The following MAST3 variants were observed in gnomAD, a reference collection of about 807,000 sequenced individuals.
MAST3 encodes microtubule-associated serine/threonine-protein kinase 3.
MAST3 carries 43 observed loss-of-function variants against 127.0 expected under a neutral mutation model. The observed-to-expected ratio is 0.34, with a 90% CI of 0.27 to 0.44. MAST3 has a LOEUF of 0.44. MAST3 is among the 20% of genes least tolerant of loss of function. The pLI is 1.00. For missense variants in MAST3, 1,390 were observed against 1,919.1 expected (o/e 0.72, Z 5.15); for synonymous variants, 785 against 809.2 (o/e 0.97, Z 0.51).
chr19:18,100,128 C>CTCTCTTTTTTTTTTTTTTTTTTTT (rs776661078), intron 1 of MAST3, among the ~76,000 whole-genome samples: 3 of 121,720 alleles, frequency 2.5e-5, no homozygotes, highest in Admixed American at 9.5e-5. Flanking sequence ...CTCTCTCTCT[C>CTCTCTTTTTTTTTTTTTTTTTTTT]TTTTTTTTTT....
chr19:18,133,238 CT>C (rs2041514784), intron 15 of MAST3, among the ~76,000 whole-genome samples: 2 of 152,202 alleles, frequency 1.3e-5, no homozygotes, highest in Admixed American at 6.6e-5. Flanking sequence ...GCATGAATAA[CT>C]CCTTACACAC....
chr19:18,146,634 G>A (rs1307751131), intron 25 of MAST3, among the ~76,000 whole-genome samples: 2 of 152,160 alleles, frequency 1.3e-5, no homozygotes, highest in East Asian at 1.9e-4. Flanking sequence ...CCGGGAGGGT[G>A]GAGAGTGAAG....
intron 21 of MAST3, among the ~76,000 whole-genome samples, chr19:18,143,559 G>C (rs1160600767): frequency 6.6e-6 from 1 of 152,084 alleles, no homozygotes; most frequent in East Asian, 1.9e-4. Flanking sequence ...CTGGGTGACA[G>C]AGTGAGACCC....
At chr19:18,142,062 TG>T in intron 21 of MAST3, 47 bp downstream of exon 21, 1 of 1,369,732 alleles carries the variant, frequency 7.3e-7, no homozygotes, top group Admixed American at 2.8e-5. Context: ...CCAAGCCTGC[TG>T]GGAGGTAGAG....
At chr19:18,148,495 A>C (rs1397940628) in intron 27 of MAST3, among the ~76,000 whole-genome samples, 2 of 151,756 alleles carry the variant, frequency 1.3e-5, no homozygotes, top group African/African-American at 4.8e-5. Flanking sequence ...AAGAAAACAG[A>C]AGTGATACAG....
In MAST3 at chr19:18,123,993, G is replaced by A. The variant is rs765659545; in HGVS notation, c.688G>A (p.Gly230Ser). Reference protein sequence around the residue: ...LQEFLTAYAPGARLALADGVL... With the variant: ...LQEFLTAYAPSARLALADGVL... ...GGAGTTCCTGACGGCCTACGCGCCC[G>A]GCGCCCGGCTGGCGCTGGCTGATGG... The change falls in exon 9 of 28, where the codon GGC (glycine) becomes AGC (serine). Residue 230 changes from glycine (G) to serine (S), a missense_variant. By Grantham distance (56) the Gly-to-Ser change is moderately conservative. Transcript: ENST00000687212. 59 of 1,592,516 alleles carry A rather than the reference G, an allele frequency of 3.7e-5. 1 individual carries two copies. The highest frequency in any genetic ancestry group is 4.6e-5 in the East Asian group (2 of 43,486).
At position 18,145,812 on chromosome 19, in the gene MAST3, G is replaced by A. The variant is rs926791298; in HGVS notation, c.3109G>A (p.Gly1037Arg). 2 of 1,593,236 alleles carry A rather than the reference G, an allele frequency of 1.3e-6. No homozygotes were observed. Among genetic ancestry groups the A allele is most frequent in the African/African-American group, 1.4e-5 (1 of 73,458 alleles). ...TGGGGACCTCATCACCCACATCAAC[G>A]GGGAGTCAGTGCTGGGGCTGGTGCA... ...RAGDLITHINGESVLGLVHMD... is the reference protein window; with the variant it reads ...RAGDLITHINRESVLGLVHMD... The change falls in exon 25 of 28, where the codon GGG becomes AGG. Residue 1037 changes from glycine to arginine, a missense_variant. By Grantham distance (125) the Gly-to-Arg change is moderately radical. Transcript: ENST00000687212. This position sits in a 1 kb window ranked among gnomAD's most constrained non-coding sequence, Gnocchi z 5.9.
chr19:18,138,957 C>A, intron 19 of MAST3, 58 bp from the exon 20 acceptor site: 31 of 1,194,334 alleles, frequency 2.6e-5, no homozygotes, highest in Non-Finnish European at 3.6e-5. Context: ...ATTGCCACAC[C>A]GCCCTTGAGA....
chr19:18,132,122 T>A, intron 15 of MAST3, 75 bp downstream of exon 15: 3 of 1,580,216 alleles, frequency 1.9e-6, no homozygotes, highest in Non-Finnish European at 2.6e-6. Flanking sequence ...CCAAAGAGGA[T>A]CAGGGCAGAG....
chr19:18,145,179 C>T lies in MAST3; in HGVS notation c.2989C>T (p.Arg997Cys). 3 of 1,613,774 alleles carry T rather than the reference C, an allele frequency of 1.9e-6. No homozygotes were observed. Among genetic ancestry groups the T allele is most frequent in the South Asian group, 1.1e-5 (1 of 91,070 alleles). ...GTACGGCTTCAGCCTGCGGGCGATCCGCGTCTACATGGGTGATAGCGACGT... is the reference window on the plus strand; with the variant it reads ...GTACGGCTTCAGCCTGCGGGCGATCTGCGTCTACATGGGTGATAGCGACGT... Reference protein sequence around the residue: ...KKYGFSLRAIRVYMGDSDVYT... With the variant: ...KKYGFSLRAICVYMGDSDVYT... The change falls in exon 24 of 28, where the codon CGC (arginine) becomes TGC (cysteine). Residue 997 changes from arginine to cysteine, a missense_variant. By Grantham distance (180) the Arg-to-Cys change is radical (BLOSUM62 -3). Coordinates refer to ENST00000687212, the MANE Select transcript of MAST3 (RefSeq NM_001393504.1). This position sits in a 1 kb window ranked among gnomAD's most constrained non-coding sequence, Gnocchi z 5.9.
In MAST3 at chr19:18,123,825, G is replaced by C. The variant is rs560632938; in HGVS notation, c.634-114G>C. ...TCCTCCTGCACCAGCCCTCCCACCC[G>C]ATCGCCCCATTGCCCCATCTCCTCT... On this transcript the variant is annotated intron_variant, in intron 8 of 27. Coordinates refer to ENST00000687212, the MANE Select transcript of MAST3 (RefSeq NM_001393504.1). The C allele has an allele frequency of 7.4e-4, 764 of 1,027,848 alleles. 1 individual carries two copies. Among genetic ancestry groups the C allele is most frequent in the Non-Finnish European group, 1.0e-3 (723 of 709,838 alleles). 63.7% of individuals were successfully genotyped at this position (1,027,848 alleles called of 1,614,324 possible).
chr19:18,124,529 A>T (rs1241094238), intron 10 of MAST3, 113 bp from the exon 11 acceptor site: 1 of 1,412,660 alleles, frequency 7.1e-7, no homozygotes, highest in Non-Finnish European at 9.6e-7. Context: ...AGGCAGCGGG[A>T]GTGGAGACCC....
At position 18,150,549 on chromosome 19, in the gene MAST3, C is replaced by T. The variant is rs1459044976; in HGVS notation, c.*823C>T. 1 of 152,270 alleles carries T rather than the reference C, an allele frequency of 6.6e-6. No homozygotes were observed. The highest frequency in any genetic ancestry group is 1.5e-5 in the Non-Finnish European group (1 of 68,062). The allele number at this position is 152,270 out of a possible 1,614,324, so 9.4% of individuals were successfully genotyped here. ...GAAGTCACCTGGTCACCTGTACCGG[C>T]CCAGTTCGGCTACAACCTGGAGTGT... On this transcript the variant is annotated 3_prime_UTR_variant, in exon 28 of 28. Coordinates refer to ENST00000687212, the MANE Select transcript of MAST3 (RefSeq NM_001393504.1).
Position 18,124,156 on chromosome 19 carries a change from GT to G in MAST3, c.843+13del. The G allele has an allele frequency of 1.2e-6, 2 of 1,606,090 alleles. No individual in the cohort carries two copies. The highest frequency in any genetic ancestry group is 1.7e-6 in the Non-Finnish European group (2 of 1,176,572). ...GAGCGGCTTCTGCAGGATGTGCGTG[GT>G]TTTTCGCATGTTGAGGTTTTGCATG... On this transcript the variant is annotated intron_variant, in intron 9 of 27. Transcript: ENST00000687212.
At chr19:18,108,397 C>T (rs1784182429) in intron 2 of MAST3, among the ~76,000 whole-genome samples, 1 of 151,062 alleles carries the variant, frequency 6.6e-6, no homozygotes, top group Non-Finnish European at 1.5e-5. Flanking sequence ...AGACGGGGTC[C>T]CTCTCTCTCT....
chr19:18,149,817 C>T lies in MAST3; in HGVS notation c.*91C>T. ...AGTCATGCCTGGATGGGGACTGAGCCACCAGCCTGACACCCAGAAGGCGAG... is the reference window on the plus strand; with the variant it reads ...AGTCATGCCTGGATGGGGACTGAGCTACCAGCCTGACACCCAGAAGGCGAG... On this transcript the variant is annotated 3_prime_UTR_variant, in exon 28 of 28. Coordinates refer to ENST00000687212, the MANE Select transcript of MAST3 (RefSeq NM_001393504.1). This position sits in a 1 kb window ranked among gnomAD's most constrained non-coding sequence, Gnocchi z 5.9. 6.5e-7 allele frequency: 1 copy of T among 1,547,766 alleles called. No homozygotes were observed.
intron 11 of MAST3, among the ~76,000 whole-genome samples, chr19:18,126,076 G>A (rs114544936): frequency 1.6e-4 from 25 of 151,944 alleles, no homozygotes; most frequent in African/African-American, 6.0e-4. Context: ...AAAAGATGTA[G>A]CTGGGTGTAG....
intron 1 of MAST3, among the ~76,000 whole-genome samples, chr19:18,100,418 G>A (rs1207890820): frequency 2.6e-5 from 4 of 151,986 alleles, no homozygotes; most frequent in African/African-American, 9.7e-5. Flanking sequence ...GAGCCACCGC[G>A]CCCAGCCAAG....
At chr19:18,143,582 A>G (rs2042738070) in intron 21 of MAST3, among the ~76,000 whole-genome samples, 181 bp from the exon 22 acceptor site, 1 of 152,182 alleles carries the variant, frequency 6.6e-6, no homozygotes, top group African/African-American at 2.4e-5. Context: ...TCTTTAAAAA[A>G]AAAGGTGAAT....
Sources: allele counts gnomAD v4.1 joint callset (sites outside exome capture counted in the v4.1 genomes callset), GRCh38; gene constraint gnomAD v4.1.1; non-coding constraint Gnocchi (gnomAD v3.1); transcripts MANE v1.5; gene names NCBI Gene and HGNC (gene_info 2026-07-23, HGNC 2026-07-21).